Variants in CLIC5 observed in about 807,000 individuals in gnomAD.
CLIC5 encodes the protein CLIC family member 5, also known as chloride intracellular channel protein 5.
In CLIC5, 20 loss-of-function variants were observed where a neutral mutation model predicts 24.7. That is an observed-to-expected ratio of 0.81 (90% CI 0.57 to 1.18). CLIC5 has a LOEUF of 1.18. CLIC5 is among the 50% of genes most tolerant of loss of function. CLIC5 has a pLI of 0.00. For synonymous variants in CLIC5, 159 were observed against 135.6 expected (o/e 1.17, Z -1.20); for missense variants, 341 against 326.1 (o/e 1.05, Z -0.35).
upstream of CLIC5, among the ~76,000 whole-genome samples, chr6:46,017,311 C>T (rs115224006): frequency 1.1e-3 from 162 of 152,128 alleles, 1 homozygote; most frequent in African/African-American, 3.5e-3. Context: ...AAAAATTTAT[C>T]GCTTAATAAA....
intron 1 of CLIC5, among the ~76,000 whole-genome samples, chr6:46,037,046 T>C (rs1767682754): frequency 6.6e-6 from 1 of 152,204 alleles, no homozygotes; most frequent in African/African-American, 2.4e-5. Flanking sequence ...CAACCCATAT[T>C]CAACCAAAGG....
the CLIC5 span, among the ~76,000 whole-genome samples, chr6:46,112,655 T>A: frequency 6.6e-6 from 1 of 152,160 alleles, no homozygotes; most frequent in African/African-American, 2.4e-5. Context: ...TTAATGAATA[T>A]GGGGATGAGA....
intron 1 of CLIC5, among the ~76,000 whole-genome samples, chr6:46,003,433 A>T (rs1239418667): frequency 6.6e-6 from 1 of 152,170 alleles, no homozygotes; most frequent in Admixed American, 6.5e-5. Flanking sequence ...AAACAACAAC[A>T]ACACCAACAA....
intron 1 of CLIC5, among the ~76,000 whole-genome samples, chr6:46,007,678 C>G (rs1259879488): frequency 6.6e-6 from 1 of 152,162 alleles, no homozygotes; most frequent in African/African-American, 2.4e-5. Flanking sequence ...CTTAAACCCA[C>G]ATAGCGTATA....
chr6:46,110,536 C>T, the CLIC5 span, among the ~76,000 whole-genome samples: 3 of 152,184 alleles, frequency 2.0e-5, no homozygotes, highest in African/African-American at 7.2e-5. Flanking sequence ...ACTGGAAGGG[C>T]ATATTTTCAG....
chr6:46,005,691 C>A (rs76783700), intron 1 of CLIC5, among the ~76,000 whole-genome samples: 3,472 of 152,034 alleles, frequency 0.023, 53 homozygotes, highest in Non-Finnish European at 0.036. Flanking sequence ...CAGGTGGAGG[C>A]TTTGGGAGGT....
At chr6:45,913,910 T>C (rs998132790) in intron 5 of CLIC5, 6 of 774,394 alleles carry the variant, frequency 7.7e-6, no homozygotes, top group African/African-American at 3.6e-5. Context: ...TGGAGTGATA[T>C]GACTGTATAC....
chr6:45,924,317 T>C (rs1021669011), intron 4 of CLIC5, among the ~76,000 whole-genome samples: 8 of 151,984 alleles, frequency 5.3e-5, no homozygotes, highest in African/African-American at 1.5e-4. Flanking sequence ...ACCTTAAAGG[T>C]TGGGGGTGAC....
upstream of CLIC5, among the ~76,000 whole-genome samples, chr6:46,082,861 T>A (rs9369597): frequency 0.76 from 116,257 of 152,082 alleles, 45,322 homozygotes; most frequent in African/African-American, 0.92. Flanking sequence ...TAACTTATTT[T>A]TTATGTCTAG....
At chr6:45,995,982 G>A (rs1354863948) in intron 1 of CLIC5, among the ~76,000 whole-genome samples, 3 of 152,058 alleles carry the variant, frequency 2.0e-5, no homozygotes, top group African/African-American at 7.3e-5. Context: ...GGGGTGGGGG[G>A]AGAGAGAGCA....
intron 1 of CLIC5, among the ~76,000 whole-genome samples, chr6:45,969,670 G>A (rs932262704): frequency 5.9e-5 from 9 of 152,062 alleles, no homozygotes; most frequent in South Asian, 2.1e-4. Context: ...AGTCATCTTC[G>A]AGAGATGTTC....
chr6:46,002,246 TTTG>T (rs1554160057), intron 1 of CLIC5, among the ~76,000 whole-genome samples: 25 of 139,612 alleles, frequency 1.8e-4, no homozygotes, highest in Admixed American at 3.7e-4. Context: ...TGTAATTTTT[TTTG>T]TTGTTGTTGT....
chr6:46,065,334 A>G (rs1040333198), intron 1 of CLIC5, among the ~76,000 whole-genome samples: 2 of 146,100 alleles, frequency 1.4e-5, no homozygotes, highest in African/African-American at 5.0e-5. Context: ...CACTTTGAAA[A>G]CAATTTTCAA....
At chr6:46,074,345 A>G (rs144913104) in intron 1 of CLIC5, among the ~76,000 whole-genome samples, 19 of 152,204 alleles carry the variant, frequency 1.2e-4, no homozygotes, top group African/African-American at 3.6e-4. Context: ...CATGACCCCT[A>G]TAACCACATC....
At chr6:46,047,393 T>C (rs1767982496) in intron 1 of CLIC5, among the ~76,000 whole-genome samples, 1 of 152,184 alleles carries the variant, frequency 6.6e-6, no homozygotes, top group South Asian at 2.1e-4. Context: ...ACAATATAAA[T>C]GTATCCTATG....
intron 1 of CLIC5, among the ~76,000 whole-genome samples, chr6:46,028,522 AT>A (rs1767406238): frequency 6.6e-6 from 1 of 152,224 alleles, no homozygotes; most frequent in Admixed American, 6.5e-5. Flanking sequence ...TACATGCATG[AT>A]TATACCTCCC....
At chr6:46,066,728 G>A (rs1457453864) in intron 1 of CLIC5, among the ~76,000 whole-genome samples, 1 of 152,098 alleles carries the variant, frequency 6.6e-6, no homozygotes. Context: ...TTTAAAATGA[G>A]GTAAGAGGTG....
chr6:46,074,157 C>T (rs1259160118), intron 1 of CLIC5, among the ~76,000 whole-genome samples: 1 of 152,094 alleles, frequency 6.6e-6, no homozygotes, highest in East Asian at 1.9e-4. Context: ...TACTCACTTA[C>T]AAATTATATA....
At chr6:45,994,570 GAACA>G (rs1766059157) in intron 1 of CLIC5, among the ~76,000 whole-genome samples, 1 of 151,932 alleles carries the variant, frequency 6.6e-6, no homozygotes, top group South Asian at 2.1e-4. Context: ...TATACCTATG[GAACA>G]AACCTGCACG....
Sources: allele counts gnomAD v4.1 joint callset (sites outside exome capture counted in the v4.1 genomes callset), GRCh38; gene constraint gnomAD v4.1.1; transcripts MANE v1.5; gene names NCBI Gene and HGNC (gene_info 2026-07-23, HGNC 2026-07-21).